Variants in HEATR4 observed in about 807,000 individuals in gnomAD.
HEATR4 encodes HEAT repeat containing 4.
HEATR4 carries 95 observed loss-of-function variants against 108.8 expected under a neutral mutation model. The ratio of observed to expected loss-of-function variants is 0.87; its 90% CI spans 0.74 to 1.04. The LOEUF (loss-of-function observed/expected upper bound fraction) is 1.04, where lower values mean the gene tolerates loss of function less well. Among genes scored for constraint, HEATR4 ranks in the 50% least tolerant of loss-of-function variants. The probability of loss-of-function intolerance (pLI) is 0.00; values close to 1 mark genes in which losing one functional copy is unlikely to be tolerated. For missense variants in HEATR4, 1,152 were observed against 1,253.8 expected (o/e 0.92, Z 1.23); for synonymous variants, 443 against 459.4 (o/e 0.96, Z 0.46).
At chr14:73,564,731 T>TG in the HEATR4 span, among the ~76,000 whole-genome samples, 1 of 141,278 alleles carries the variant, frequency 7.1e-6, no homozygotes, top group Non-Finnish European at 1.6e-5. Context: ...GTTTTTTGTT[T>TG]TTTTTTTTTT....
At position 73,523,341 on chromosome 14, in the gene HEATR4, C is replaced by A. The variant is rs1888093697; in HGVS notation, c.-72-117G>T. The A allele has an allele frequency of 7.0e-6, 4 of 572,420 alleles. No homozygotes were observed. The Admixed American group carries it at 9.4e-5, about 13-fold the overall frequency. The allele number at this position is 572,420 out of a possible 1,614,324, so 35.5% of individuals were successfully genotyped here. On this transcript the variant is annotated intron_variant, in intron 2 of 17. Transcript: ENST00000553558. ...AGATGGAAAGGGGGTGGGGAAGAGC[C>A]ATGTGAGTTAGAAGAACAAAAGAAG...
chr14:73,541,857 C>T lies in HEATR4; in HGVS notation c.-151-11613G>A, dbSNP rs1425857148. ...ATAGACAGTTTCTTTCTTTCTTCTT[C>T]TTCTTCTTTCTTTTTTTGAGATGGA... On this transcript the variant is annotated intron_variant, in intron 1 of 17. Transcript: ENST00000553558. Among the ~76,000 whole-genome samples the T allele has an allele frequency of 1.8e-5, 2 of 114,128 alleles. 1 individual carries two copies. Among genetic ancestry groups the T allele is most frequent in the Non-Finnish European group, 3.8e-5 (2 of 53,078 alleles). 74.9% of individuals were successfully genotyped at this position (114,128 alleles called of 152,430 possible). A position where few individuals can be genotyped will look rare whatever the true frequency, so the allele number is the denominator to read the frequency against.
intron 14 of HEATR4, among the ~76,000 whole-genome samples, chr14:73,497,173 G>C (rs1886156788): frequency 6.6e-6 from 1 of 152,194 alleles, no homozygotes; most frequent in African/African-American, 2.4e-5. Flanking sequence ...TGGGGCTACA[G>C]GTGTGAGCCA....
intron 2 of HEATR4, among the ~76,000 whole-genome samples, chr14:73,526,637 C>T (rs977325987): frequency 6.6e-6 from 1 of 152,234 alleles, no homozygotes; most frequent in African/African-American, 2.4e-5. Context: ...AATCCTGAGG[C>T]TCCTGATTCC....
the HEATR4 span, among the ~76,000 whole-genome samples, chr14:73,617,917 G>A: frequency 2.7e-5 from 1 of 37,386 alleles, no homozygotes; most frequent in Non-Finnish European, 4.8e-5. Flanking sequence ...GGCCAAGGCG[G>A]GCAGATCACC....
the HEATR4 span, among the ~76,000 whole-genome samples, chr14:73,594,233 C>T: frequency 6.6e-6 from 1 of 152,148 alleles, no homozygotes; most frequent in African/African-American, 2.4e-5. Flanking sequence ...TTGGTCAGAA[C>T]TTGTCCACCC....
At chr14:73,562,558 A>C (rs1236075502), upstream of HEATR4, among the ~76,000 whole-genome samples, 1 of 152,024 alleles carries the variant, frequency 6.6e-6, no homozygotes, top group Non-Finnish European at 1.5e-5. Flanking sequence ...TTCTTCTTGC[A>C]GAGAGCCTAC....
intron 1 of HEATR4, among the ~76,000 whole-genome samples, chr14:73,550,290 C>T (rs1462717947): frequency 8.9e-6 from 1 of 112,862 alleles, no homozygotes; most frequent in Non-Finnish European, 1.9e-5. Flanking sequence ...ATACAGTCAA[C>T]ACAGTGAGCC....
chr14:73,593,119 C>G, the HEATR4 span, among the ~76,000 whole-genome samples: 1 of 152,158 alleles, frequency 6.6e-6, no homozygotes, highest in Non-Finnish European at 1.5e-5. Context: ...CTCTAGTGTT[C>G]TAGGCACACT....
At chr14:73,599,639 C>T in the HEATR4 span, among the ~76,000 whole-genome samples, 15 of 152,180 alleles carry the variant, frequency 9.9e-5, no homozygotes, top group African/African-American at 2.9e-4. Flanking sequence ...GCAAGCCTAG[C>T]AAGCAATTCT....
chr14:73,561,227 G>A (rs1208611305), upstream of HEATR4, among the ~76,000 whole-genome samples: 11 of 151,856 alleles, frequency 7.2e-5, 1 homozygote, highest in Non-Finnish European at 1.6e-4. Flanking sequence ...TTAGCCAGGC[G>A]TAGTGGCAGG....
chr14:73,620,362 T>C, the HEATR4 span, among the ~76,000 whole-genome samples: 2 of 152,236 alleles, frequency 1.3e-5, no homozygotes, highest in South Asian at 4.1e-4. Context: ...TGATCTTATA[T>C]GTAGGACCGG....
the HEATR4 span, chr14:73,594,965 A>T: frequency 6.6e-7 from 1 of 1,521,638 alleles, no homozygotes; most frequent in Non-Finnish European, 8.9e-7. Flanking sequence ...TCCGCCTCGC[A>T]GAGTGTTGGG....
chr14:73,519,375 A>T (rs1401414488), intron 4 of HEATR4, among the ~76,000 whole-genome samples: 1 of 152,138 alleles, frequency 6.6e-6, no homozygotes, highest in Non-Finnish European at 1.5e-5. Context: ...TGGGGGAAAA[A>T]AAAAAGAAAA....
At chr14:73,574,030 A>T in the HEATR4 span, among the ~76,000 whole-genome samples, 1,216 of 90,566 alleles carry the variant, frequency 0.013, 12 homozygotes, top group African/African-American at 0.058. Flanking sequence ...CCAGCCTAAT[A>T]TTTGTATTTT....
At chr14:73,542,811 G>A (rs1275710146) in intron 1 of HEATR4, among the ~76,000 whole-genome samples, 1 of 112,182 alleles carries the variant, frequency 8.9e-6, no homozygotes, top group Non-Finnish European at 1.9e-5. Flanking sequence ...TGAGATTAAG[G>A]AACTGAGAAA....
chr14:73,592,129 G>A, the HEATR4 span: 1 of 1,564,732 alleles, frequency 6.4e-7, no homozygotes, highest in Non-Finnish European at 8.6e-7. Flanking sequence ...GCCGACGCCC[G>A]CGGCGAGCTG....
At chr14:73,575,934 T>C in the HEATR4 span, among the ~76,000 whole-genome samples, 6 of 151,974 alleles carry the variant, frequency 3.9e-5, no homozygotes, top group African/African-American at 1.4e-4. Context: ...GGCGGATCAC[T>C]TGAGGTCAGG....
At chr14:73,480,152 GAAT>G (rs898607662) in intron 17 of HEATR4, among the ~76,000 whole-genome samples, 2 of 152,116 alleles carry the variant, frequency 1.3e-5, no homozygotes, top group African/African-American at 4.8e-5. Flanking sequence ...CTTAAAAAAT[GAAT>G]AATTGGCTGG....
Sources: gnomAD v4.1 joint callset for allele counts (sites outside exome capture counted in the v4.1 genomes callset) on GRCh38, gnomAD v4.1.1 for gene constraint, MANE v1.5 for transcripts, NCBI Gene and HGNC (gene_info 2026-07-23, HGNC 2026-07-21) for gene names.